MYLK: variants seen among roughly 807,000 people sequenced by gnomAD.
The protein encoded by MYLK is myosin light chain kinase.
In MYLK, 106 loss-of-function variants were observed where a neutral mutation model predicts 203.4. That is an observed-to-expected ratio of 0.52 (90% CI 0.45 to 0.61). MYLK has a LOEUF of 0.61. Ranked by LOEUF, MYLK falls within the 20% of genes least tolerant of loss-of-function variation. The pLI is 0.00. For missense variants in MYLK, 2,072 were observed against 2,442.3 expected, an observed-to-expected ratio of 0.85 and a Z score of 3.20; for synonymous variants, 867 against 959.5, an observed-to-expected ratio of 0.90 and a Z score of 1.78.
chr3:123,750,099 A>ACC (rs1440535107), intron 5 of MYLK, among the ~76,000 whole-genome samples: 10 of 152,216 alleles, frequency 6.6e-5, no homozygotes, highest in Non-Finnish European at 8.8e-5. Flanking sequence ...GTGGCCCCAA[A>ACC]CCACACATTA....
At position 123,700,351 on chromosome 3, in the gene MYLK, G is replaced by A. The variant is rs2061140032; in HGVS notation, c.3117C>T (p.Gly1039=). 1 of 1,613,614 alleles carries A rather than the reference G, an allele frequency of 6.2e-7. No homozygotes were observed. The highest frequency in any genetic ancestry group is 8.5e-7 in the Non-Finnish European group (1 of 1,179,870). The change falls in exon 18 of 34, where the codon GGC becomes GGT. Residue 1039 remains glycine (G), a synonymous_variant. Coordinates refer to ENST00000360304, the MANE Select transcript of MYLK (RefSeq NM_053025.4). ...TCAGGGTCTCGGCAGGCTTGGCGTT[G>A]CCCATTGGCTTCAGGGTCTCAGCAG... The part of the protein sequence containing the change: ...AKPAETLKPM[G]NAKPAETLKP...
intron 13 of MYLK, among the ~76,000 whole-genome samples, chr3:123,713,161 C>A (rs1272451127): frequency 2.0e-5 from 3 of 152,124 alleles, no homozygotes; most frequent in Non-Finnish European, 4.4e-5. Context: ...TCACTCATTG[C>A]CCCCGGTCCT....
intron 4 of MYLK, among the ~76,000 whole-genome samples, chr3:123,761,630 G>A (rs2063537734): frequency 6.6e-6 from 1 of 152,310 alleles, no homozygotes; most frequent in South Asian, 2.1e-4. Flanking sequence ...ATCATGATTT[G>A]CATAGAGAAT....
chr3:123,819,325 C>T (rs1053654133), intron 3 of MYLK, among the ~76,000 whole-genome samples: 3 of 152,198 alleles, frequency 2.0e-5, no homozygotes, highest in Non-Finnish European at 2.9e-5. Context: ...GTTCCCTAGG[C>T]TCAGGAATTC....
At chr3:123,815,066 T>C (rs1560252999) in intron 3 of MYLK, among the ~76,000 whole-genome samples, 1 of 152,218 alleles carries the variant, frequency 6.6e-6, no homozygotes, top group African/African-American at 2.4e-5. Flanking sequence ...GCACTGGGAT[T>C]ACAGGCATGA....
chr3:123,821,854 G>T (rs985157892), intron 3 of MYLK, among the ~76,000 whole-genome samples: 1 of 152,168 alleles, frequency 6.6e-6, no homozygotes, highest in Non-Finnish European at 1.5e-5. Context: ...CCTGTAGGGG[G>T]TTGCTGTGGT....
intron 2 of MYLK, among the ~76,000 whole-genome samples, chr3:123,873,861 A>G (rs1375909562): frequency 6.6e-6 from 1 of 152,154 alleles, no homozygotes; most frequent in Non-Finnish European, 1.5e-5. Flanking sequence ...AATACTAGCA[A>G]TGAACAATTG....
Position 123,734,240 on chromosome 3 carries a change from TG to T in MYLK, c.774-19del. The T allele has an allele frequency of 6.4e-6, 3 of 469,808 alleles. No individual in the cohort carries two copies. Among genetic ancestry groups the T allele is most frequent in the Non-Finnish European group, 7.2e-6 (2 of 276,038 alleles). 29.1% of individuals were successfully genotyped at this position (469,808 alleles called of 1,614,324 possible). A position where few individuals can be genotyped will look rare whatever the true frequency, so the allele number is the denominator to read the frequency against. ...CAAATGACCTGTGTGGTGGTGAGGG[TG>T]GGGGTAGGGTGGGTGAGGAGAGGGG... On this transcript the variant is annotated intron_variant, in intron 9 of 33. Coordinates refer to ENST00000360304, the MANE Select transcript of MYLK (RefSeq NM_053025.4).
chr3:123,674,652 T>C (rs1360838552), intron 20 of MYLK, among the ~76,000 whole-genome samples: 3 of 152,252 alleles, frequency 2.0e-5, no homozygotes, highest in African/African-American at 7.2e-5. Flanking sequence ...GTGCTGCTAC[T>C]GCTGCTGGTC....
At chr3:123,769,869 G>T (rs539565523) in intron 4 of MYLK, among the ~76,000 whole-genome samples, 194 of 152,080 alleles carry the variant, frequency 1.3e-3, no homozygotes, top group Non-Finnish European at 2.1e-3. Flanking sequence ...TTCCTCTTTT[G>T]TTTTTGTTGA....
intron 2 of MYLK, among the ~76,000 whole-genome samples, chr3:123,869,064 T>G (rs2032550938): frequency 6.6e-6 from 1 of 152,150 alleles, no homozygotes; most frequent in African/African-American, 2.4e-5. Context: ...TTGGTCTGAT[T>G]GTCCCAGAAG....
chr3:123,807,378 G>A (rs1408578632), intron 3 of MYLK, among the ~76,000 whole-genome samples: 3 of 151,888 alleles, frequency 2.0e-5, no homozygotes, highest in Non-Finnish European at 4.4e-5. Context: ...GCAGTGGGCT[G>A]AGACAGTGCC....
chr3:123,643,070 G>A (rs1576410558), intron 27 of MYLK, among the ~76,000 whole-genome samples: 1 of 152,278 alleles, frequency 6.6e-6, no homozygotes. Flanking sequence ...CTCTGAAAAA[G>A]TCACTCCCCA....
chr3:123,685,044 A>G (rs1411997480), intron 19 of MYLK, among the ~76,000 whole-genome samples: 7 of 152,226 alleles, frequency 4.6e-5, no homozygotes, highest in Non-Finnish European at 7.3e-5. Flanking sequence ...GAAGGGCAGC[A>G]GGTACTGAGA....
chr3:123,829,502 TAAG>T (rs1478567481), intron 3 of MYLK, among the ~76,000 whole-genome samples: 8 of 152,156 alleles, frequency 5.3e-5, no homozygotes, highest in Non-Finnish European at 7.4e-5. Context: ...TACAGCTAGA[TAAG>T]AAGAAGAAGT....
intron 3 of MYLK, among the ~76,000 whole-genome samples, chr3:123,820,949 G>A (rs557862800): frequency 2.0e-5 from 3 of 152,040 alleles, no homozygotes; most frequent in South Asian, 2.1e-4. Context: ...GGCTGGTGTC[G>A]AACTCCCGAC....
chr3:123,636,494 A>T (rs543764560), intron 29 of MYLK, among the ~76,000 whole-genome samples: 1 of 152,368 alleles, frequency 6.6e-6, no homozygotes, highest in Non-Finnish European at 1.5e-5. Flanking sequence ...GGACCCTGGG[A>T]CCAAGCGAGA....
intron 22 of MYLK, among the ~76,000 whole-genome samples, chr3:123,665,241 G>C (rs1217477146): frequency 6.6e-6 from 1 of 152,180 alleles, no homozygotes; most frequent in African/African-American, 2.4e-5. Context: ...ATGGCTGGTG[G>C]CTGCCATATT....
intron 5 of MYLK, among the ~76,000 whole-genome samples, chr3:123,742,757 G>T (rs893289948): frequency 6.6e-6 from 1 of 152,146 alleles, no homozygotes; most frequent in Non-Finnish European, 1.5e-5. Flanking sequence ...AAGAAAATGT[G>T]GTGCATCCAT....
Sources: gnomAD v4.1 joint callset for allele counts (sites outside exome capture counted in the v4.1 genomes callset) on GRCh38, gnomAD v4.1.1 for gene constraint, MANE v1.5 for transcripts, NCBI Gene and HGNC (gene_info 2026-07-23, HGNC 2026-07-21) for gene names.